The following UGT2B4 variants were observed in gnomAD, a reference collection of about 807,000 sequenced individuals.
UGT2B4 encodes UDP-glucuronosyltransferase 2B4.
A neutral mutation model predicts 49.8 loss-of-function variants in UGT2B4; 49 were observed. The observed-to-expected ratio is 0.98, with a 90% confidence interval of 0.78 to 1.25. The LOEUF is 1.25. Ranked by LOEUF, UGT2B4 falls within the 50% of genes most tolerant of loss-of-function variation. The pLI is 0.00. For missense variants in UGT2B4, 729 were observed against 627.7 expected, an observed-to-expected ratio of 1.16 and a Z score of -1.73; for synonymous variants, 246 against 217.7, an observed-to-expected ratio of 1.13 and a Z score of -1.14.
intron 2 of UGT2B4, among the ~76,000 whole-genome samples, chr4:69,491,372 AT>A (rs1727980787): frequency 6.6e-6 from 1 of 151,826 alleles, no homozygotes; most frequent in Non-Finnish European, 1.5e-5. Flanking sequence ...TTTTATGAAT[AT>A]TTTCCATAAA....
Position 69,493,713 on chromosome 4 carries a change from G to T in UGT2B4, c.850C>A (p.Pro284Thr). The change falls in exon 2 of 6, where the codon CCT (proline) becomes ACT (threonine). Residue 284 changes from proline to threonine, a missense_variant. Transcript: ENST00000305107. Reference sequence around the variant, plus strand: ...TTTACCTTCGGTAGGGGTTTGGCAGGTTTGCAGTGGAGTCCTCCAACGAAC... The same window carrying T: ...TTTACCTTCGGTAGGGGTTTGGCAGTTTTGCAGTGGAGTCCTCCAACGAAC... ...VEFVGGLHCK[P>T]AKPLPKEMEE... 6.2e-7 allele frequency: 1 copy of T among 1,607,882 alleles called. No individual in the cohort carries two copies. The highest frequency in any genetic ancestry group is 8.5e-7 in the Non-Finnish European group (1 of 1,177,906).
intron 2 of UGT2B4, among the ~76,000 whole-genome samples, chr4:69,490,799 T>C (rs1727963280): frequency 6.6e-6 from 1 of 152,148 alleles, no homozygotes; most frequent in Non-Finnish European, 1.5e-5. Context: ...ATCCAGGTAT[T>C]GTGCGTAATT....
In UGT2B4 at chr4:69,480,430, G is replaced by T. The variant is rs1188289756; in HGVS notation, c.*204C>A. 7 of 649,974 alleles carry T rather than the reference G, an allele frequency of 1.1e-5. No homozygotes were observed. The African/African-American group carries it at 1.3e-4, about 12-fold the overall frequency. The allele number at this position is 649,974 out of a possible 1,614,324, so 40.3% of individuals were successfully genotyped here. On this transcript the variant is annotated 3_prime_UTR_variant, in exon 6 of 6. Transcript: ENST00000305107. ...CCTCATATGGCTTTATATCATTTTT[G>T]TTTTCCCTAATGTTTTCCTCCTTGA...
At chr4:69,485,669 G>A (rs1727759859) in intron 4 of UGT2B4, among the ~76,000 whole-genome samples, 1 of 147,848 alleles carries the variant, frequency 6.8e-6, no homozygotes, top group Non-Finnish European at 1.5e-5. Context: ...ACAAAAAGGT[G>A]CAATTTAGAT....
Position 69,485,416 on chromosome 4 carries a change from T to G in UGT2B4, c.1102A>C (p.Thr368Pro). Residue 368 changes from threonine to proline, a missense_variant, in exon 5 of 6, where the codon ACC becomes CCC. Physicochemically the swap from Thr to Pro is conservative, Grantham distance 38. Transcript: ENST00000305107. Reference protein sequence around the residue: ...PQNDLLGHPKTRAFITHGGAN... With the variant: ...PQNDLLGHPKPRAFITHGGAN... ...CCACCATGAGTTATAAAAGCTCTGG[T>G]TTTTGGGTGACCTAGGATTGGATGA... 1 of 1,613,566 alleles carries G rather than the reference T, an allele frequency of 6.2e-7. No homozygotes were observed. The highest frequency in any genetic ancestry group is 1.1e-5 in the South Asian group (1 of 91,048).
intron 1 of UGT2B4, among the ~76,000 whole-genome samples, chr4:69,517,228 A>G (rs1333995741): frequency 1.3e-5 from 2 of 152,136 alleles, no homozygotes; most frequent in African/African-American, 4.8e-5. Context: ...ATTTTTGTTT[A>G]GCCCTCCCCC....
At chr4:69,502,708 C>T (rs567383930) in intron 1 of UGT2B4, among the ~76,000 whole-genome samples, 7 of 152,290 alleles carry the variant, frequency 4.6e-5, no homozygotes, top group African/African-American at 1.4e-4. Flanking sequence ...TGGACAGAGC[C>T]TCCAGGGGCC....
chr4:69,496,988 C>A (rs1728185632), upstream of UGT2B4, among the ~76,000 whole-genome samples: 1 of 151,514 alleles, frequency 6.6e-6, no homozygotes, highest in Non-Finnish European at 1.5e-5. Context: ...GTAGTACATT[C>A]AGTATTAATT....
Position 69,480,929 on chromosome 4 carries a change from A to T in UGT2B4, c.1311-19T>A. The T allele has an allele frequency of 3.1e-6, 5 of 1,609,886 alleles. No individual in the cohort carries two copies. Among genetic ancestry groups the T allele is most frequent in the Non-Finnish European group, 4.2e-6 (5 of 1,177,034 alleles). On this transcript the variant is annotated intron_variant, in intron 5 of 5. Coordinates refer to ENST00000305107, the MANE Select transcript of UGT2B4 (RefSeq NM_021139.3). ...TTTATATCTAAACGATAAGCAGAAA[A>T]GTATCAACATTGAAAGTAAGTTAAT...
chr4:69,482,146 C>A (rs1264782448), intron 5 of UGT2B4, among the ~76,000 whole-genome samples: 3 of 152,148 alleles, frequency 2.0e-5, no homozygotes, highest in Admixed American at 6.6e-5. Flanking sequence ...TTGGAGTATT[C>A]TTTCTTGCAA....
At chr4:69,502,095 T>TC (rs1728337145) in intron 1 of UGT2B4, among the ~76,000 whole-genome samples, 1 of 82,308 alleles carries the variant, frequency 1.2e-5, no homozygotes, top group African/African-American at 5.6e-5. Flanking sequence ...TTCTCTCTCT[T>TC]TCTTTCTTTC....
upstream of UGT2B4, among the ~76,000 whole-genome samples, chr4:69,500,606 G>GAAGAAAGCAAGA (rs1728283129): frequency 9.0e-5 from 9 of 99,600 alleles, no homozygotes; most frequent in African/African-American, 3.9e-4. Context: ...AGAAAGCAAG[G>GAAGAAAGCAAGA]AAGAAAGAAA....
intron 2 of UGT2B4, 142 bp from the exon 3 acceptor site, chr4:69,489,712 T>C: frequency 7.9e-7 from 1 of 1,260,328 alleles, no homozygotes; most frequent in Non-Finnish European, 1.1e-6. Context: ...ACTCAATTAC[T>C]CAGTTTTTTT....
At chr4:69,494,227 A>G (rs1278923273) in intron 1 of UGT2B4, among the ~76,000 whole-genome samples, 1 of 152,156 alleles carries the variant, frequency 6.6e-6, no homozygotes, top group African/African-American at 2.4e-5. Context: ...ACCCATAAAA[A>G]CAATTTTCTA....
intron 1 of UGT2B4, among the ~76,000 whole-genome samples, chr4:69,506,275 A>G (rs986816358): frequency 1.3e-5 from 2 of 152,130 alleles, no homozygotes; most frequent in Admixed American, 6.6e-5. Context: ...TCAAACGAAA[A>G]ATGAATCAAG....
chr4:69,513,520 T>A lies in UGT2B4; in HGVS notation c.-106+12167A>T, dbSNP rs546875178. ...TATAGTTTGAAGTCAGGTAGTGTGA[T>A]ACCTCCAGCTTTGCTCTTTTTGGTT... On this transcript the variant is annotated intron_variant, in intron 1 of 1. Transcript: ENST00000510114. Among the ~76,000 whole-genome samples, 4 of 152,330 alleles carry A rather than the reference T, an allele frequency of 2.6e-5. No individual in the cohort carries two copies. In the South Asian group the frequency reaches 8.3e-4, roughly 32 times the overall value.
At chr4:69,525,670 C>T (rs991552957) in intron 1 of UGT2B4, 1 of 1,265,324 alleles carries the variant, frequency 7.9e-7, no homozygotes, top group African/African-American at 1.5e-5. Flanking sequence ...ATTCAATGCA[C>T]AATTTATAGC....
intron 1 of UGT2B4, among the ~76,000 whole-genome samples, chr4:69,516,373 G>C (rs114303246): frequency 8.3e-4 from 127 of 152,268 alleles, no homozygotes; most frequent in African/African-American, 2.8e-3. Flanking sequence ...GAGTCAAGTG[G>C]TATTTCTGGT....
chr4:69,499,306 T>A (rs1292373971), upstream of UGT2B4, among the ~76,000 whole-genome samples: 1 of 152,198 alleles, frequency 6.6e-6, no homozygotes, highest in African/African-American at 2.4e-5. Flanking sequence ...TTAGAGTAAG[T>A]GCAATGCGGT....
Sources: allele counts gnomAD v4.1 joint callset (sites outside exome capture counted in the v4.1 genomes callset), GRCh38; gene constraint gnomAD v4.1.1; transcripts MANE v1.5; gene names NCBI Gene and HGNC (gene_info 2026-07-23, HGNC 2026-07-21).